C2CD3: variants seen among roughly 807,000 people sequenced by gnomAD.
The protein encoded by C2CD3 is C2 domain containing 3 centriole elongation regulator, also known as C2 domain-containing protein 3.
Under a neutral mutation model 234.0 loss-of-function variants are expected in C2CD3, and 148 were observed. That is an observed-to-expected ratio of 0.63 (90% CI 0.55 to 0.72). The LOEUF (loss-of-function observed/expected upper bound fraction) is 0.72. C2CD3 is among the 30% of genes least tolerant of loss of function. C2CD3 has a pLI of 0.00. For missense variants in C2CD3, 2,577 were observed against 2,811.5 expected, an observed-to-expected ratio of 0.92 and a Z score of 1.89; for synonymous variants, 1,000 against 1,035.4, an observed-to-expected ratio of 0.97 and a Z score of 0.66.
At chr11:74,118,941 C>T (rs1041431223) in intron 8 of C2CD3, among the ~76,000 whole-genome samples, 13 of 149,798 alleles carry the variant, frequency 8.7e-5, no homozygotes, top group Admixed American at 6.6e-4. Flanking sequence ...AGGGTCTCAC[C>T]GTGTTGCCCA....
intron 27 of C2CD3, 152 bp downstream of exon 27, chr11:74,049,185 T>C (rs980613632): frequency 3.1e-6 from 2 of 637,238 alleles, no homozygotes; most frequent in Non-Finnish European, 2.7e-6. Context: ...TTCCAGAACA[T>C]TTTCATCACC....
chr11:74,054,663 T>C lies in C2CD3; in HGVS notation c.5099A>G (p.Lys1700Arg), dbSNP rs1953874813. 1.1e-5 allele frequency: 17 copies of C among 1,611,430 alleles called. No homozygotes were observed. The highest frequency in any genetic ancestry group is 1.4e-5 in the Non-Finnish European group (17 of 1,178,436). ...TTGTTGTGGGTCCAGAAGCAGCTCT[T>C]TTGATAGCCTATTAAGAAAAACAAC... ...WNFQQQSRLSKELLLDPQQTL... is the reference protein window; with the variant it reads ...WNFQQQSRLSRELLLDPQQTL... Residue 1700 changes from lysine to arginine, a missense_variant, in exon 26 of 33, where the codon AAA becomes AGA. Coordinates refer to ENST00000334126, the MANE Select transcript of C2CD3 (RefSeq NM_001286577.2).
At chr11:74,056,002 A>C (rs1183799699) in intron 25 of C2CD3, among the ~76,000 whole-genome samples, 1 of 152,178 alleles carries the variant, frequency 6.6e-6, no homozygotes, top group African/African-American at 2.4e-5. Flanking sequence ...CCTTTTGGGG[A>C]GGATCTGATA....
At chr11:74,043,592 G>A (rs868492791) in intron 28 of C2CD3, among the ~76,000 whole-genome samples, 2 of 151,848 alleles carry the variant, frequency 1.3e-5, no homozygotes, top group Non-Finnish European at 2.9e-5. Flanking sequence ...CTATCCCACC[G>A]GCAATGTATA....
At chr11:74,151,084 C>T (rs1565348910) in intron 3 of C2CD3, among the ~76,000 whole-genome samples, 1 of 151,984 alleles carries the variant, frequency 6.6e-6, no homozygotes, top group Non-Finnish European at 1.5e-5. Context: ...CACCATCACA[C>T]CCAGCTAATT....
Position 74,103,495 on chromosome 11 carries a change from T to C in C2CD3, c.2216A>G (p.Asp739Gly). 25 of 1,614,232 alleles carry C rather than the reference T, an allele frequency of 1.5e-5. No homozygotes were observed. The highest frequency in any genetic ancestry group is 2.1e-5 in the Non-Finnish European group (25 of 1,180,028). ...TTGTGGATTTTTGGTACAGGTCATA[T>C]CTTGGTTAAGTTCTGGTAGTGCCTT... is the stretch of plus-strand genomic sequence containing the variant. ...PNKALPELNQDMTCTKNPQNL... is the reference protein window; with the variant it reads ...PNKALPELNQGMTCTKNPQNL... Residue 739 changes from aspartate to glycine, a missense_variant, in exon 14 of 33, where the codon GAT (aspartate) becomes GGT (glycine). By Grantham distance (94) the Asp-to-Gly change is moderately conservative. Coordinates refer to ENST00000334126, the MANE Select transcript of C2CD3 (RefSeq NM_001286577.2).
At chr11:74,099,895 C>CAAAAAAAAA (rs370465812) in intron 15 of C2CD3, among the ~76,000 whole-genome samples, 1 of 91,958 alleles carries the variant, frequency 1.1e-5, no homozygotes. Flanking sequence ...GACTCCGTCT[C>CAAAAAAAAA]AAAAAAAAAA....
In C2CD3 at chr11:74,026,416, G is replaced by C. The variant is rs1952302260; in HGVS notation, c.6921+1871C>G. Among the ~76,000 whole-genome samples, 3 of 152,152 alleles carry C rather than the reference G, an allele frequency of 2.0e-5. No individual in the cohort carries two copies. The South Asian group carries it at 6.2e-4, about 32-fold the overall frequency. On this transcript the variant is annotated intron_variant, in intron 32 of 32. Transcript: ENST00000334126. ...GTGCTGAGGAGGTTGGAAGAGGATG[G>C]GGAAAGGAAACTAGTAAGAGGATCA... is the stretch of plus-strand genomic sequence containing the variant.
Position 74,037,628 on chromosome 11 carries a change from G to A in C2CD3, c.5731C>T (p.Leu1911Phe), listed in dbSNP as rs577943892. ...RQKLTKPFLPLSPQTQTAISQ... is the reference protein window; with the variant it reads ...RQKLTKPFLPFSPQTQTAISQ... ...ATGGCCGTTTGAGTCTGAGGGCTGAGGGGTAGGAAAGGCTTGGTGAGCTTC... is the reference window on the plus strand; with the variant it reads ...ATGGCCGTTTGAGTCTGAGGGCTGAAGGGTAGGAAAGGCTTGGTGAGCTTC... The change falls in exon 30 of 33, where the codon CTC (leucine) becomes TTC (phenylalanine). Residue 1911 changes from leucine (L) to phenylalanine (F), a missense_variant. Leu to Phe is a conservative substitution (Grantham distance 22). Transcript: ENST00000334126. The A allele has an allele frequency of 6.2e-7, 1 of 1,614,144 alleles. No individual in the cohort carries two copies. Among genetic ancestry groups the A allele is most frequent in the Admixed American group, 1.7e-5 (1 of 60,014 alleles).
rs1223396697 is a variant in C2CD3 at position 74,168,439 on chromosome 11, G to A, written c.230C>T (p.Pro77Leu). 6.2e-7 allele frequency: 1 copy of A among 1,613,940 alleles called. No individual in the cohort carries two copies. Among genetic ancestry groups the A allele is most frequent in the Admixed American group, 1.7e-5 (1 of 60,024 alleles). The change falls in exon 2 of 33, where the codon CCC becomes CTC. Residue 77 changes from proline to leucine, a missense_variant. Pro to Leu is a moderately conservative substitution (Grantham distance 98, BLOSUM62 -3). Coordinates refer to ENST00000334126, the MANE Select transcript of C2CD3 (RefSeq NM_001286577.2). ...GETSDGTLFC[P>L]RDALQTEPKA... ...TGGTTCAGTCTGCAATGCATCCCTG[G>A]GACAAAAGAGGGTTCCATCTGATGT...
At chr11:74,137,532 A>AGT (rs1055922195) in intron 5 of C2CD3, among the ~76,000 whole-genome samples, 3 of 108,230 alleles carry the variant, frequency 2.8e-5, no homozygotes, top group African/African-American at 7.5e-5. Flanking sequence ...ATAATCTTGG[A>AGT]GTGTATATAT....
chr11:74,141,630 C>A (rs1958051078), intron 3 of C2CD3, among the ~76,000 whole-genome samples: 1 of 152,134 alleles, frequency 6.6e-6, no homozygotes, highest in Non-Finnish European at 1.5e-5. Context: ...AACACAGTGG[C>A]CTAACTCCTT....
chr11:74,158,539 A>G (rs1014520717), intron 3 of C2CD3, among the ~76,000 whole-genome samples: 4 of 152,108 alleles, frequency 2.6e-5, no homozygotes, highest in African/African-American at 7.2e-5. Context: ...CCTGGCCAAC[A>G]TGGTGAAACC....
chr11:74,133,292 G>T, intron 6 of C2CD3, 133 bp downstream of exon 6: 1 of 802,498 alleles, frequency 1.2e-6, no homozygotes, highest in Non-Finnish European at 2.0e-6. Flanking sequence ...CCTAGTGTAG[G>T]CTTCTTTCCC....
chr11:74,106,871 A>G (rs560114958), intron 12 of C2CD3, among the ~76,000 whole-genome samples: 7 of 152,252 alleles, frequency 4.6e-5, no homozygotes, highest in Non-Finnish European at 1.0e-4. Context: ...TAATGCTATC[A>G]AGGCTATGGA....
chr11:74,074,143 T>C (rs2135460046), intron 24 of C2CD3, 110 bp downstream of exon 24: 1 of 774,814 alleles, frequency 1.3e-6, no homozygotes, highest in Non-Finnish European at 2.1e-6. Context: ...GAAATAAATA[T>C]TTATCAGTTG....
intron 32 of C2CD3, among the ~76,000 whole-genome samples, chr11:74,021,258 C>G (rs1336545583): frequency 6.6e-6 from 1 of 152,016 alleles, no homozygotes; most frequent in African/African-American, 2.4e-5. Context: ...AACAAACAAA[C>G]AAACAAACAA....
intron 32 of C2CD3, among the ~76,000 whole-genome samples, chr11:74,018,404 C>T (rs539156386): frequency 3.3e-5 from 5 of 152,244 alleles, no homozygotes; most frequent in East Asian, 3.9e-4. Context: ...TGTCTTCCCC[C>T]CTTCTTTGGT....
intron 19 of C2CD3, 76 bp downstream of exon 19, chr11:74,092,340 C>A: frequency 1.5e-6 from 2 of 1,375,984 alleles, no homozygotes; most frequent in Non-Finnish European, 2.1e-6. Context: ...GAGGTGTGAA[C>A]CACCGCACCC....
Sources: gnomAD v4.1 joint callset for allele counts (sites outside exome capture counted in the v4.1 genomes callset) on GRCh38, gnomAD v4.1.1 for gene constraint, MANE v1.5 for transcripts, NCBI Gene and HGNC (gene_info 2026-07-23, HGNC 2026-07-21) for gene names.